Variants in SUMF1 observed in about 807,000 individuals in gnomAD.
The protein encoded by SUMF1 is formylglycine-generating enzyme.
Under a neutral mutation model 47.6 loss-of-function variants are expected in SUMF1, and 48 were observed. The ratio of observed to expected loss-of-function variants is 1.01; its 90% CI spans 0.80 to 1.28. SUMF1 has a LOEUF of 1.28. Among genes scored for constraint, SUMF1 ranks in the 50% most tolerant of loss-of-function variants. The probability of loss-of-function intolerance (pLI) is 0.00; values close to 1 mark genes in which losing one functional copy is unlikely to be tolerated. For synonymous variants in SUMF1, 230 were observed against 192.1 expected (o/e 1.20, Z -1.63); for missense variants, 571 against 485.4 (o/e 1.18, Z -1.66).
intron 8 of SUMF1, among the ~76,000 whole-genome samples, chr3:4,372,029 C>T (rs140492453): frequency 1.7e-3 from 261 of 152,006 alleles, no homozygotes; most frequent in African/African-American, 5.8e-3. Flanking sequence ...CCAGGCAGGC[C>T]GGGCATGGTG....
chr3:4,138,146 G>C (rs1010529190), intron 8 of SUMF1, among the ~76,000 whole-genome samples: 1 of 152,040 alleles, frequency 6.6e-6, no homozygotes, highest in Non-Finnish European at 1.5e-5. Context: ...ATAAATAAAA[G>C]ACCTAAGTAA....
At chr3:4,112,358 A>C (rs1378355097) in intron 8 of SUMF1, among the ~76,000 whole-genome samples, 1 of 152,198 alleles carries the variant, frequency 6.6e-6, no homozygotes, top group African/African-American at 2.4e-5. Flanking sequence ...TTGTTCATTT[A>C]TACCTTAGCA....
intron 8 of SUMF1, among the ~76,000 whole-genome samples, chr3:4,371,734 C>T (rs979940808): frequency 6.6e-6 from 1 of 152,156 alleles, no homozygotes; most frequent in African/African-American, 2.4e-5. Context: ...TATTAATTCA[C>T]TTAATCCTCT....
At chr3:4,458,774 T>G (rs546260276) in intron 1 of SUMF1, among the ~76,000 whole-genome samples, 122 of 152,140 alleles carry the variant, frequency 8.0e-4, no homozygotes, top group African/African-American at 2.8e-3. Flanking sequence ...GAGAATGGCG[T>G]GAACCTGGGA....
chr3:4,356,578 A>C, downstream of SUMF1, among the ~76,000 whole-genome samples: 1 of 142,682 alleles, frequency 7.0e-6, no homozygotes. Flanking sequence ...AAATACATAC[A>C]ATTTTTTTTT....
In SUMF1 at chr3:4,046,647, C is replaced by T. The variant is rs375664151; in HGVS notation, c.1191+21922G>A. Among the ~76,000 whole-genome samples, 9 of 152,262 alleles carry T rather than the reference C, an allele frequency of 5.9e-5. 1 individual carries two copies. Among genetic ancestry groups the T allele is most frequent in the East Asian group, 1.9e-4 (1 of 5,182 alleles). On this transcript the variant is annotated intron_variant and NMD_transcript_variant, in intron 9 of 12. Transcript: ENST00000448413. ...TCCCAGCATCCTGCAAAATCTCGCT[C>T]CAAATATAGCTCCAGTTTGTCCACT...
intron 8 of SUMF1, among the ~76,000 whole-genome samples, chr3:4,128,842 C>T (rs1020940922): frequency 5.9e-5 from 9 of 152,140 alleles, no homozygotes; most frequent in African/African-American, 2.2e-4. Flanking sequence ...AATTTGGGCC[C>T]ACTAAGTAGG....
At chr3:4,392,973 A>G (rs1456434057) in intron 7 of SUMF1, among the ~76,000 whole-genome samples, 2 of 152,124 alleles carry the variant, frequency 1.3e-5, no homozygotes, top group Non-Finnish European at 2.9e-5. Flanking sequence ...GGATTGAGAA[A>G]TGGCATTCAA....
chr3:4,225,119 A>G (rs1696145746), intron 8 of SUMF1, among the ~76,000 whole-genome samples: 1 of 152,166 alleles, frequency 6.6e-6, no homozygotes, highest in Non-Finnish European at 1.5e-5. Flanking sequence ...GAAAAAAGGA[A>G]AGGCCCTGAA....
At chr3:4,196,827 G>A (rs1427454220) in intron 8 of SUMF1, among the ~76,000 whole-genome samples, 4 of 152,112 alleles carry the variant, frequency 2.6e-5, no homozygotes, top group Non-Finnish European at 4.4e-5. Flanking sequence ...TAGGGAACCA[G>A]TGCCACTTTT....
chr3:4,075,288 A>G (rs1301428597), intron 8 of SUMF1, among the ~76,000 whole-genome samples: 1 of 152,126 alleles, frequency 6.6e-6, no homozygotes, highest in Non-Finnish European at 1.5e-5. Context: ...ACAAAATTCA[A>G]CAGCCCTTCA....
At chr3:4,187,759 G>C (rs896857394) in intron 8 of SUMF1, among the ~76,000 whole-genome samples, 7 of 152,102 alleles carry the variant, frequency 4.6e-5, no homozygotes, top group African/African-American at 1.7e-4. Flanking sequence ...GAAACCTATT[G>C]ATTAGTAAAT....
chr3:4,326,327 A>G (rs954439489), intron 8 of SUMF1, among the ~76,000 whole-genome samples: 1 of 152,102 alleles, frequency 6.6e-6, no homozygotes, highest in African/African-American at 2.4e-5. Flanking sequence ...CTCAGATTAG[A>G]CTTTTAAAGC....
chr3:4,404,794 C>T (rs1211883391), intron 7 of SUMF1, among the ~76,000 whole-genome samples: 1 of 151,986 alleles, frequency 6.6e-6, no homozygotes, highest in Non-Finnish European at 1.5e-5. Flanking sequence ...AAACAAAAAA[C>T]ACATGAGTGA....
chr3:4,250,924 GT>G (rs1696787630), intron 8 of SUMF1, among the ~76,000 whole-genome samples: 1 of 152,186 alleles, frequency 6.6e-6, no homozygotes, highest in South Asian at 2.1e-4. Context: ...GGAGATGAAT[GT>G]TGTTTTCACA....
chr3:4,307,818 C>A (rs1698250591), intron 8 of SUMF1, among the ~76,000 whole-genome samples: 1 of 152,180 alleles, frequency 6.6e-6, no homozygotes, highest in East Asian at 1.9e-4. Flanking sequence ...GGGAGAATCA[C>A]TTGAAGTCAG....
intron 8 of SUMF1, among the ~76,000 whole-genome samples, chr3:4,197,917 A>G (rs1695463230): frequency 6.6e-6 from 1 of 152,152 alleles, no homozygotes; most frequent in Non-Finnish European, 1.5e-5. Context: ...CTCTGAAAAT[A>G]TCAGCCTCTG....
intron 8 of SUMF1, among the ~76,000 whole-genome samples, chr3:4,141,027 T>C (rs1694059932): frequency 6.6e-6 from 1 of 152,170 alleles, no homozygotes; most frequent in Non-Finnish European, 1.5e-5. Flanking sequence ...CATTCACTTG[T>C]TGACCTTTAA....
intron 1 of SUMF1, among the ~76,000 whole-genome samples, chr3:4,453,312 G>C (rs1184615744): frequency 1.3e-5 from 2 of 152,102 alleles, no homozygotes; most frequent in Admixed American, 6.5e-5. Flanking sequence ...AAACAGGTCT[G>C]GAATAACAGT....
Sources: allele counts gnomAD v4.1 joint callset (sites outside exome capture counted in the v4.1 genomes callset), GRCh38; gene constraint gnomAD v4.1.1; transcripts MANE v1.5; gene names NCBI Gene and HGNC (gene_info 2026-07-23, HGNC 2026-07-21).